SRP54: variants seen among roughly 807,000 people sequenced by gnomAD.
The protein encoded by SRP54 is signal recognition particle subunit SRP54.
A neutral mutation model predicts 64.8 loss-of-function variants in SRP54; 10 were observed. The ratio of observed to expected loss-of-function variants is 0.15; its 90% CI spans 0.10 to 0.26. SRP54 has a LOEUF of 0.26. Ranked by LOEUF, SRP54 falls within the 10% of genes least tolerant of loss-of-function variation. The pLI, the probability that SRP54 is intolerant of heterozygous loss-of-function variation, is 1.00. For synonymous variants in SRP54, 193 were observed against 185.6 expected (o/e 1.04, Z -0.32); for missense variants, 325 against 613.7 (o/e 0.53, Z 4.97).
At chr14:34,998,903 A>G (rs2044116189) in intron 2 of SRP54, among the ~76,000 whole-genome samples, 1 of 151,718 alleles carries the variant, frequency 6.6e-6, no homozygotes, top group South Asian at 2.1e-4. Context: ...AGTAGAAAAC[A>G]TCAAAGGCAA....
chr14:34,984,828 C>T (rs1399796330), intron 1 of SRP54, among the ~76,000 whole-genome samples: 2 of 151,946 alleles, frequency 1.3e-5, no homozygotes, highest in Admixed American at 1.3e-4. Flanking sequence ...GCCTCCATCT[C>T]ATGAGTTGAT....
At chr14:35,006,525 T>TTGTAAG (rs2044260821) in intron 4 of SRP54, among the ~76,000 whole-genome samples, 1 of 152,180 alleles carries the variant, frequency 6.6e-6, no homozygotes, top group South Asian at 2.1e-4. Flanking sequence ...TTTATATAGA[T>TTGTAAG]TACATATGAA....
At chr14:35,012,555 G>A (rs141328180) in intron 8 of SRP54, among the ~76,000 whole-genome samples, 64 of 152,184 alleles carry the variant, frequency 4.2e-4, no homozygotes, top group Non-Finnish European at 6.5e-4. Context: ...TATTTTATCC[G>A]TTTTCAGTAT....
chr14:35,021,215 A>G (rs1383648509), intron 13 of SRP54, among the ~76,000 whole-genome samples: 1 of 152,190 alleles, frequency 6.6e-6, no homozygotes, highest in African/African-American at 2.4e-5. Flanking sequence ...GGGTATGTAT[A>G]GACAAATTAA....
At chr14:35,007,701 T>TA (rs2044286724) in intron 5 of SRP54, among the ~76,000 whole-genome samples, 1 of 125,142 alleles carries the variant, frequency 8.0e-6, no homozygotes, top group Admixed American at 8.1e-5. Flanking sequence ...AAAATAGATT[T>TA]TATTAAAATA....
At chr14:35,009,845 T>C (rs2044326064) in intron 7 of SRP54, among the ~76,000 whole-genome samples, 1 of 151,882 alleles carries the variant, frequency 6.6e-6, no homozygotes, top group Non-Finnish European at 1.5e-5. Context: ...CTGGGCAATA[T>C]AGCAAGACCT....
chr14:35,013,744 C>G (rs186795355), intron 9 of SRP54, 58 bp from the exon 10 acceptor site: 2 of 1,451,166 alleles, frequency 1.4e-6, no homozygotes, highest in Non-Finnish European at 1.9e-6. Flanking sequence ...AATTTCAGAT[C>G]TGCTGGAAAT....
At chr14:34,991,873 A>C (rs12050390) in intron 1 of SRP54, among the ~76,000 whole-genome samples, 29,576 of 152,098 alleles carry the variant, frequency 0.19, 3,141 homozygotes, top group East Asian at 0.38. Flanking sequence ...GAAACACTGT[A>C]AGTTAAAGGT....
intron 5 of SRP54, among the ~76,000 whole-genome samples, chr14:35,007,685 TTAC>T: frequency 7.9e-6 from 1 of 126,750 alleles, no homozygotes; most frequent in African/African-American, 2.7e-5. Flanking sequence ...TAAAATATAT[TTAC>T]ATAAAATAGA....
At chr14:35,018,918 A>C in intron 12 of SRP54, 48 bp from the exon 13 acceptor site, 1 of 1,537,504 alleles carries the variant, frequency 6.5e-7, no homozygotes, top group Non-Finnish European at 9.0e-7. Flanking sequence ...GACATTTTGA[A>C]CCATTAATCT....
Position 34,983,632 on chromosome 14 carries a change from A to G in SRP54, c.-34+417A>G, listed in dbSNP as rs1233448057. Among the ~76,000 whole-genome samples, 6 of 152,220 alleles carry G rather than the reference A, an allele frequency of 3.9e-5. No homozygotes were observed. In the South Asian group the frequency reaches 6.2e-4, roughly 16 times the overall value. ...GAATATGGAATATCAGTTGAATGCC[A>G]ATGATGATTTAAGATAGACTGATAG... On this transcript the variant is annotated intron_variant, in intron 1 of 15. Transcript: ENST00000216774.
chr14:35,003,684 C>T (rs1037961248), intron 4 of SRP54, among the ~76,000 whole-genome samples: 11 of 151,102 alleles, frequency 7.3e-5, no homozygotes, highest in African/African-American at 2.7e-4. Context: ...ATCCCTACAC[C>T]TGAGCCTCCT....
chr14:35,029,226 G>T lies in SRP54; in HGVS notation c.*74G>T. ...AGACCTCAGCGTTTCCCTTCTTTTT[G>T]CGAATTGGGGGGAAAGTGTATTTTT... On this transcript the variant is annotated 3_prime_UTR_variant, in exon 16 of 16. Transcript: ENST00000216774. 1 of 1,145,496 alleles carries T rather than the reference G, an allele frequency of 8.7e-7. No homozygotes were observed. The highest frequency in any genetic ancestry group is 1.3e-6 in the Non-Finnish European group (1 of 794,902). 71.0% of individuals were successfully genotyped at this position (1,145,496 alleles called of 1,614,324 possible). A position where few individuals can be genotyped will look rare whatever the true frequency, so the allele number is the denominator to read the frequency against.
At chr14:35,027,901 A>C (rs1304345844) in intron 14 of SRP54, 187 bp from the exon 15 acceptor site, 2 of 376,878 alleles carry the variant, frequency 5.3e-6, no homozygotes, top group Non-Finnish European at 9.4e-6. Flanking sequence ...TCTTCAAAAA[A>C]TAGTATGTAA....
At chr14:35,007,204 A>G in intron 4 of SRP54, 79 bp from the exon 5 acceptor site, 2 of 991,906 alleles carry the variant, frequency 2.0e-6, no homozygotes, top group South Asian at 1.8e-5. Context: ...AAAAAAGGAA[A>G]AAAAAGTTGT....
At chr14:34,998,242 C>A (rs187834186) in intron 2 of SRP54, among the ~76,000 whole-genome samples, 3 of 152,236 alleles carry the variant, frequency 2.0e-5, no homozygotes, top group Admixed American at 2.0e-4. Context: ...CAGCGGTGAA[C>A]AAAATAGACT....
At position 35,029,354 on chromosome 14, in the gene SRP54, G is replaced by C. The variant is rs764579286; in HGVS notation, c.*202G>C. On this transcript the variant is annotated 3_prime_UTR_variant, in exon 16 of 16. Coordinates refer to ENST00000216774, the MANE Select transcript of SRP54 (RefSeq NM_003136.4). Reference sequence around the variant, plus strand: ...CTTTAATATAAGGGAGAAATACATGGTTTTTGTGGAAATCATTATATGTTT... The same window carrying C: ...CTTTAATATAAGGGAGAAATACATGCTTTTTGTGGAAATCATTATATGTTT... The C allele has an allele frequency of 4.3e-5, 18 of 416,558 alleles. No homozygotes were observed. The highest frequency in any genetic ancestry group is 7.2e-5 in the Non-Finnish European group (17 of 234,990). The allele number at this position is 416,558 out of a possible 1,614,324, so 25.8% of individuals were successfully genotyped here. A position where few individuals can be genotyped will look rare whatever the true frequency, so the allele number is the denominator to read the frequency against.
rs67731588 is a variant in SRP54 at position 34,999,014 on chromosome 14, G to GTT, written c.79-527_79-526dup. ...GTGTGTGTGTGTGTGTGTGTGTGTG[G>GTT]TTTTTTTTTTTTTTTTTTGAGACAA... On this transcript the variant is annotated intron_variant, in intron 2 of 15. Coordinates refer to ENST00000216774, the MANE Select transcript of SRP54 (RefSeq NM_003136.4). Among the ~76,000 whole-genome samples, 72 of 36,664 alleles carry GTT rather than the reference G, an allele frequency of 2.0e-3. 8 individuals are homozygous for GTT. The highest frequency in any genetic ancestry group is 2.1e-3 in the Non-Finnish European group (43 of 20,906). The allele number at this position is 36,664 out of a possible 152,430, so 24.1% of individuals were successfully genotyped here. A position where few individuals can be genotyped will look rare whatever the true frequency, so the allele number is the denominator to read the frequency against.
rs2044483181 is a variant in SRP54 at position 35,018,957 on chromosome 14, C to G, written c.1048-9C>G. ...GCTACTATTGACTTTATGTTTAAATCTGTTGTAGGGGATGATCCCTGGTTT... is the reference window on the plus strand; with the variant it reads ...GCTACTATTGACTTTATGTTTAAATGTGTTGTAGGGGATGATCCCTGGTTT... On this transcript the variant is annotated splice_polypyrimidine_tract_variant and intron_variant, in intron 12 of 15. Transcript: ENST00000216774. The G allele has an allele frequency of 1.2e-6, 2 of 1,610,328 alleles. No homozygotes were observed. The highest frequency in any genetic ancestry group is 1.1e-5 in the South Asian group (1 of 90,954).
Sources: gnomAD v4.1 joint callset for allele counts (sites outside exome capture counted in the v4.1 genomes callset) on GRCh38, gnomAD v4.1.1 for gene constraint, MANE v1.5 for transcripts, NCBI Gene and HGNC (gene_info 2026-07-23, HGNC 2026-07-21) for gene names.